LARS2: variants seen among roughly 807,000 people sequenced by gnomAD.
The protein encoded by LARS2 is leucyl-tRNA synthetase 2, mitochondrial, also known as leucine--tRNA ligase, mitochondrial.
A neutral mutation model predicts 116.6 loss-of-function variants in LARS2; 81 were observed. The observed-to-expected ratio is 0.69, with a 90% confidence interval of 0.58 to 0.84. The LOEUF is 0.84. Ranked by LOEUF, LARS2 falls within the 40% of genes least tolerant of loss-of-function variation. LARS2 has a pLI of 0.00. For missense variants in LARS2, 968 were observed against 1,114.5 expected (o/e 0.87, Z 1.87); for synonymous variants, 396 against 407.2 (o/e 0.97, Z 0.33).
At chr3:45,467,530 A>G (rs1699445281) in intron 8 of LARS2, among the ~76,000 whole-genome samples, 1 of 152,204 alleles carries the variant, frequency 6.6e-6, no homozygotes, top group African/African-American at 2.4e-5. Context: ...AAACACACAT[A>G]CAAGATTTTA....
chr3:45,446,642 T>G (rs765105394), intron 6 of LARS2, among the ~76,000 whole-genome samples: 1 of 152,188 alleles, frequency 6.6e-6, no homozygotes. Context: ...GGGCAGGAGG[T>G]GTGCAAAAGA....
chr3:45,520,273 A>C lies in LARS2; in HGVS notation c.2269A>C (p.Met757Leu). The C allele has an allele frequency of 6.2e-7, 1 of 1,613,542 alleles. No homozygotes were observed. Residue 757 changes from methionine to leucine, a missense_variant, in exon 19 of 22, where the codon ATG (methionine) becomes CTG (leucine). Coordinates refer to ENST00000645846, the MANE Select transcript of LARS2 (RefSeq NM_015340.4). ...ACTGAATTCTGCAATTTCTCAGCTG[A>C]TGGGACTCAGCAATGCCCTCTCGGT... ...FSLNSAISQL[M>L]GLSNALSQAS...
intron 7 of LARS2, among the ~76,000 whole-genome samples, chr3:45,453,074 G>A (rs1027227326): frequency 3.3e-5 from 5 of 152,042 alleles, no homozygotes; most frequent in Admixed American, 6.5e-5. Context: ...CTAGGTAAAA[G>A]TTTGTTGATT....
In LARS2 at chr3:45,464,739, G is replaced by A. The variant is rs867448175; in HGVS notation, c.750+5853G>A. Among the ~76,000 whole-genome samples, 8 of 152,310 alleles carry A rather than the reference G, an allele frequency of 5.3e-5. 1 individual carries two copies. In the South Asian group the frequency reaches 1.7e-3, roughly 32 times the overall value. ...GGGGGAGGGGCGGCAGCACAAATTA[G>A]ATGTTGGCAGAAGAGGCAAAATGAC... On this transcript the variant is annotated intron_variant, in intron 8 of 21. Transcript: ENST00000645846.
intron 15 of LARS2, among the ~76,000 whole-genome samples, chr3:45,502,300 A>C (rs1332223936): frequency 5.9e-5 from 9 of 151,726 alleles, no homozygotes; most frequent in Admixed American, 5.3e-4. Flanking sequence ...ATCCTTTTTC[A>C]GCTATATGTA....
intron 4 of LARS2, among the ~76,000 whole-genome samples, chr3:45,405,721 C>T (rs1416449499): frequency 1.3e-5 from 2 of 152,186 alleles, no homozygotes; most frequent in African/African-American, 4.8e-5. Context: ...CTATAATAAA[C>T]AATCCCCAAA....
chr3:45,410,446 T>G (rs1195452832), intron 4 of LARS2, among the ~76,000 whole-genome samples: 1 of 152,150 alleles, frequency 6.6e-6, no homozygotes, highest in Non-Finnish European at 1.5e-5. Flanking sequence ...TAAACAGTGT[T>G]TGTTTTAGTC....
At chr3:45,434,419 G>A (rs1341179986) in intron 6 of LARS2, among the ~76,000 whole-genome samples, 1 of 152,194 alleles carries the variant, frequency 6.6e-6, no homozygotes, top group Non-Finnish European at 1.5e-5. Context: ...TATCAGTTCT[G>A]AAATGTTCAT....
chr3:45,469,983 T>C (rs981512157), intron 8 of LARS2, among the ~76,000 whole-genome samples: 3 of 152,236 alleles, frequency 2.0e-5, no homozygotes, highest in Non-Finnish European at 2.9e-5. Context: ...TGTTGTTCAA[T>C]CTTGTGTCTT....
At position 45,524,893 on chromosome 3, in the gene LARS2, A is replaced by G. The variant is rs572725980; in HGVS notation, c.2404+785A>G. On this transcript the variant is annotated intron_variant, in intron 20 of 21. Coordinates refer to ENST00000645846, the MANE Select transcript of LARS2 (RefSeq NM_015340.4). ...ACGAGTCTCAGTGTAAGCTTGAGTG[A>G]TAAGAAGAATTTGAGGATTATTTGA... Among the ~76,000 whole-genome samples the G allele has an allele frequency of 7.9e-5, 12 of 152,368 alleles. No homozygotes were observed. In the East Asian group the frequency reaches 2.1e-3, roughly 27 times the overall value.
chr3:45,505,398 A>G lies in LARS2; in HGVS notation c.1760+4819A>G, dbSNP rs551355277. ...AAAAACCAAATACAACTTGAGAAAC[A>G]TCTCAGGCCAGGCGTGGTGGTTCAT... On this transcript the variant is annotated intron_variant, in intron 15 of 21. Transcript: ENST00000645846. Among the ~76,000 whole-genome samples the G allele has an allele frequency of 4.7e-3, 718 of 152,016 alleles. 8 individuals carry two copies. The highest frequency in any genetic ancestry group is 8.4e-3 in the Admixed American group (128 of 15,244).
chr3:45,396,816 A>G (rs1293318284), intron 3 of LARS2, among the ~76,000 whole-genome samples: 3 of 152,234 alleles, frequency 2.0e-5, no homozygotes, highest in Admixed American at 6.5e-5. Flanking sequence ...CAGAGCCAGG[A>G]TTCAAAATCA....
intron 8 of LARS2, 82 bp from the exon 9 acceptor site, chr3:45,474,161 A>C (rs1699575332): frequency 3.6e-6 from 3 of 830,116 alleles, no homozygotes; most frequent in Non-Finnish European, 5.9e-6. Flanking sequence ...TGCTTTTCCT[A>C]CCTTAACAAG....
At chr3:45,516,738 C>T (rs1700374073) in intron 17 of LARS2, among the ~76,000 whole-genome samples, 1 of 152,190 alleles carries the variant, frequency 6.6e-6, no homozygotes, top group African/African-American at 2.4e-5. Context: ...CAGTGTCATT[C>T]TCCCTCACCA....
At chr3:45,545,387 G>GC (rs1316348459) in intron 21 of LARS2, among the ~76,000 whole-genome samples, 2 of 152,236 alleles carry the variant, frequency 1.3e-5, no homozygotes, top group Non-Finnish European at 2.9e-5. Context: ...AGGTGCAAGA[G>GC]CCCCACAGCA....
chr3:45,532,727 C>T (rs1183757931), intron 20 of LARS2, among the ~76,000 whole-genome samples: 1 of 152,042 alleles, frequency 6.6e-6, no homozygotes, highest in East Asian at 1.9e-4. Flanking sequence ...CTGCAACTTC[C>T]GCCTCCCGGG....
intron 4 of LARS2, among the ~76,000 whole-genome samples, chr3:45,401,420 A>T (rs13078025): frequency 0.75 from 113,876 of 151,882 alleles, 44,212 homozygotes; most frequent in African/African-American, 0.92. Context: ...GGAGAATCAC[A>T]TGAACCTGGG....
intron 6 of LARS2, among the ~76,000 whole-genome samples, chr3:45,437,216 C>G (rs1025859543): frequency 7.2e-5 from 11 of 152,150 alleles, no homozygotes; most frequent in Non-Finnish European, 1.3e-4. Context: ...ATTTGAAAAA[C>G]AAGACCTTTA....
At chr3:45,429,492 G>C (rs552237502) in intron 6 of LARS2, among the ~76,000 whole-genome samples, 3 of 152,228 alleles carry the variant, frequency 2.0e-5, no homozygotes, top group African/African-American at 7.2e-5. Context: ...TCATGCTTCA[G>C]ATCTCTCCCA....
Sources: gnomAD v4.1 joint callset for allele counts (sites outside exome capture counted in the v4.1 genomes callset) on GRCh38, gnomAD v4.1.1 for gene constraint, MANE v1.5 for transcripts, NCBI Gene and HGNC (gene_info 2026-07-23, HGNC 2026-07-21) for gene names.